SDHC: variants seen among roughly 807,000 people sequenced by gnomAD.
SDHC encodes succinate dehydrogenase cytochrome b560 subunit, mitochondrial.
In SDHC, 11 loss-of-function variants were observed where a neutral mutation model predicts 22.6. The observed-to-expected ratio is 0.49, with a 90% CI of 0.31 to 0.81. The LOEUF (loss-of-function observed/expected upper bound fraction) is 0.81, where lower values mean the gene tolerates loss of function less well. SDHC is among the 30% of genes least tolerant of loss of function. SDHC has a pLI of 0.05. For missense variants in SDHC, 160 were observed against 212.0 expected, an observed-to-expected ratio of 0.75 and a Z score of 1.52; for synonymous variants, 80 against 77.8, an observed-to-expected ratio of 1.03 and a Z score of -0.15.
chr1:161,320,919 C>T (rs573409491), intron 1 of SDHC, among the ~76,000 whole-genome samples: 8 of 149,798 alleles, frequency 5.3e-5, no homozygotes, highest in South Asian at 2.1e-4. Context: ...CTCTGCCTCG[C>T]GGGTTCAAGC....
At chr1:161,315,470 G>A (rs1442510623) in intron 1 of SDHC, among the ~76,000 whole-genome samples, 1 of 152,192 alleles carries the variant, frequency 6.6e-6, no homozygotes, top group Non-Finnish European at 1.5e-5. Context: ...TGTCTTGCCA[G>A]TGCTGTCTTC....
chr1:161,334,690 C>T (rs947429674), intron 3 of SDHC, among the ~76,000 whole-genome samples: 31 of 143,430 alleles, frequency 2.2e-4, no homozygotes, highest in African/African-American at 6.5e-4. Context: ...CCTCCCACTT[C>T]GGCCTCCCAA....
intron 4 of SDHC, among the ~76,000 whole-genome samples, chr1:161,354,382 A>G (rs1672192920): frequency 6.6e-6 from 1 of 152,192 alleles, no homozygotes; most frequent in Non-Finnish European, 1.5e-5. Context: ...TCACATGATG[A>G]CCAACAGATG....
chr1:161,351,255 C>T (rs1672087919), intron 4 of SDHC, among the ~76,000 whole-genome samples: 1 of 152,070 alleles, frequency 6.6e-6, no homozygotes, highest in African/African-American at 2.4e-5. Context: ...GAGGTTTTGC[C>T]ATCTATCTTC....
intron 2 of SDHC, among the ~76,000 whole-genome samples, chr1:161,324,151 T>G (rs1396457882): frequency 6.6e-6 from 1 of 152,204 alleles, no homozygotes; most frequent in Non-Finnish European, 1.5e-5. Context: ...TGTTTGTTTG[T>G]TTTTGAGACA....
At chr1:161,355,209 T>A (rs1672229133) in intron 4 of SDHC, among the ~76,000 whole-genome samples, 1 of 152,232 alleles carries the variant, frequency 6.6e-6, no homozygotes, top group East Asian at 1.9e-4. Flanking sequence ...ATGGTTTTGA[T>A]TTGCATTTGT....
intron 4 of SDHC, among the ~76,000 whole-genome samples, chr1:161,353,402 T>G (rs1323933478): frequency 6.6e-6 from 1 of 152,210 alleles, no homozygotes; most frequent in Non-Finnish European, 1.5e-5. Flanking sequence ...ATTCAAAAGA[T>G]AGTTTTGAAT....
At chr1:161,357,303 G>A (rs1672321551) in intron 5 of SDHC, among the ~76,000 whole-genome samples, 1 of 152,208 alleles carries the variant, frequency 6.6e-6, no homozygotes, top group African/African-American at 2.4e-5. Flanking sequence ...TCCCCTGTGT[G>A]TTACCTGGCA....
In SDHC at chr1:161,332,414, C is replaced by A. The variant is rs1418343039; in HGVS notation, c.179+3917C>A. 2.0e-5 allele frequency among the ~76,000 whole-genome samples: 3 copies of A among 152,146 alleles called. No homozygotes were observed. In the East Asian group the frequency reaches 5.8e-4, roughly 29 times the overall value. On this transcript the variant is annotated intron_variant, in intron 3 of 5. Coordinates refer to ENST00000367975, the MANE Select transcript of SDHC (RefSeq NM_003001.5). The stretch of plus-strand genomic sequence containing the variant: ...GTGGGACATAATTCTGCTAAACTTT[C>A]TGCCCTATGTAACAAGGATCCCCTT...
At chr1:161,322,640 C>T (rs188099263) in intron 1 of SDHC, among the ~76,000 whole-genome samples, 196 of 151,436 alleles carry the variant, frequency 1.3e-3, no homozygotes, top group African/African-American at 4.5e-3. Flanking sequence ...GATCTTGGCT[C>T]GTTGCAACTT....
intron 1 of SDHC, among the ~76,000 whole-genome samples, chr1:161,317,027 T>TC (rs199523200): frequency 1.3e-5 from 2 of 149,658 alleles, no homozygotes; most frequent in South Asian, 4.2e-4. Flanking sequence ...TTTTTCTTTT[T>TC]TTTTTTTTTG....
chr1:161,330,358 GGACA>G (rs1233813727), intron 3 of SDHC, among the ~76,000 whole-genome samples: 3 of 152,142 alleles, frequency 2.0e-5, no homozygotes, highest in African/African-American at 4.8e-5. Context: ...TACAGTGGTG[GGACA>G]GACATAGGAT....
At chr1:161,354,493 A>G (rs753400103) in intron 4 of SDHC, among the ~76,000 whole-genome samples, 11 of 152,160 alleles carry the variant, frequency 7.2e-5, no homozygotes, top group Non-Finnish European at 1.5e-4. Context: ...TGGAAACCAC[A>G]GTTCTAGCAA....
chr1:161,328,637 AGAGG>A, intron 3 of SDHC, 140 bp downstream of exon 3: 1 of 689,446 alleles, frequency 1.5e-6, no homozygotes. Flanking sequence ...CCTTCAGGGT[AGAGG>A]GAGATGACAT....
At chr1:161,330,124 C>T (rs1671221135) in intron 3 of SDHC, among the ~76,000 whole-genome samples, 1 of 152,090 alleles carries the variant, frequency 6.6e-6, no homozygotes, top group Non-Finnish European at 1.5e-5. Context: ...CACAGTCTAC[C>T]CTCTAGCCCT....
At chr1:161,344,082 C>T (rs1012828871) in intron 4 of SDHC, among the ~76,000 whole-genome samples, 4 of 148,218 alleles carry the variant, frequency 2.7e-5, no homozygotes, top group Admixed American at 6.7e-5. Context: ...GAGGTCAGAT[C>T]GAGACCATCC....
At chr1:161,355,230 A>G (rs537930217) in intron 4 of SDHC, among the ~76,000 whole-genome samples, 2 of 152,336 alleles carry the variant, frequency 1.3e-5, no homozygotes, top group South Asian at 4.1e-4. Context: ...CTAATGGCTA[A>G]TGATGTTAAG....
intron 3 of SDHC, among the ~76,000 whole-genome samples, chr1:161,332,845 C>A (rs1671329971): frequency 6.6e-6 from 1 of 152,104 alleles, no homozygotes; most frequent in African/African-American, 2.4e-5. Flanking sequence ...GTTGGCCAGG[C>A]TGGTCTTGAA....
intron 3 of SDHC, 116 bp downstream of exon 3, chr1:161,328,613 T>G (rs1553262460): frequency 1.3e-6 from 1 of 747,654 alleles, no homozygotes; most frequent in African/African-American, 1.7e-5. Flanking sequence ...TACTGCTATG[T>G]AGATGAGGTG....
Sources: gnomAD v4.1 joint callset for allele counts (sites outside exome capture counted in the v4.1 genomes callset) on GRCh38, gnomAD v4.1.1 for gene constraint, MANE v1.5 for transcripts, NCBI Gene and HGNC (gene_info 2026-07-23, HGNC 2026-07-21) for gene names.